ADGRL2: variants seen among roughly 807,000 people sequenced by gnomAD.
ADGRL2 encodes the protein adhesion G protein-coupled receptor L2.
In ADGRL2, 44 loss-of-function variants were observed where a neutral mutation model predicts 157.4. The observed-to-expected ratio is 0.28, with a 90% CI of 0.22 to 0.36. The LOEUF is 0.36. Ranked by LOEUF, ADGRL2 falls within the 10% of genes least tolerant of loss-of-function variation. The pLI is 1.00. For missense variants in ADGRL2, 1,510 were observed against 1,768.9 expected, an observed-to-expected ratio of 0.85 and a Z score of 2.63; for synonymous variants, 585 against 624.7, an observed-to-expected ratio of 0.94 and a Z score of 0.95.
At chr1:81,625,056 C>A (rs1428683334) in intron 3 of ADGRL2, among the ~76,000 whole-genome samples, 1 of 152,122 alleles carries the variant, frequency 6.6e-6, no homozygotes, top group Non-Finnish European at 1.5e-5. Flanking sequence ...CTATAATATA[C>A]AATTAATCCC....
chr1:81,364,739 G>A (rs1288547665), intron 1 of ADGRL2, among the ~76,000 whole-genome samples: 13 of 149,896 alleles, frequency 8.7e-5, no homozygotes, highest in South Asian at 4.2e-4. Flanking sequence ...TTGCTCTGTC[G>A]CCCAGGCTGG....
chr1:81,599,458 A>T (rs929190189), intron 3 of ADGRL2, among the ~76,000 whole-genome samples: 26 of 152,128 alleles, frequency 1.7e-4, no homozygotes, highest in African/African-American at 6.3e-4. Flanking sequence ...AGTGAGTGCC[A>T]CCTTTACCCC....
chr1:81,842,564 G>A (rs1201419520), intron 2 of ADGRL2, among the ~76,000 whole-genome samples: 1 of 151,526 alleles, frequency 6.6e-6, no homozygotes, highest in African/African-American at 2.4e-5. Flanking sequence ...CACCATATTG[G>A]CCAGGCTGGT....
chr1:81,608,657 A>C (rs17106815), intron 3 of ADGRL2, among the ~76,000 whole-genome samples: 3,878 of 152,142 alleles, frequency 0.025, 155 homozygotes, highest in African/African-American at 0.089. Context: ...TCTTCATAGC[A>C]TCTCTCAGGG....
chr1:81,901,319 A>G (rs1033844997), intron 2 of ADGRL2, among the ~76,000 whole-genome samples: 10 of 143,600 alleles, frequency 7.0e-5, no homozygotes, highest in Admixed American at 5.4e-4. Context: ...GTAGTCAGAG[A>G]AAAAAAAACT....
chr1:81,549,666 C>A (rs574022122), intron 2 of ADGRL2, among the ~76,000 whole-genome samples: 1 of 152,228 alleles, frequency 6.6e-6, no homozygotes, highest in East Asian at 1.9e-4. Flanking sequence ...TAGGAGAGAG[C>A]TAAGGGAGAA....
Position 81,583,762 on chromosome 1 carries a change from C to T in ADGRL2, c.-143+2782C>T, listed in dbSNP as rs142143684. On this transcript the variant is annotated intron_variant, in intron 3 of 24. Coordinates refer to the ADGRL2 transcript ENST00000370721. ...ATTAAAGGAACTAGAAAGCTTATAACTCTTACCCTATTGTAAAGTAAGAAT... is the reference window on the plus strand; with the variant it reads ...ATTAAAGGAACTAGAAAGCTTATAATTCTTACCCTATTGTAAAGTAAGAAT... Among the ~76,000 whole-genome samples, 680 of 152,250 alleles carry T rather than the reference C, an allele frequency of 4.5e-3. 7 individuals carry two copies. The highest frequency in any genetic ancestry group is 0.015 in the African/African-American group (630 of 41,564).
intron 1 of ADGRL2, among the ~76,000 whole-genome samples, chr1:81,343,505 C>T (rs1332684489): frequency 2.6e-5 from 4 of 152,154 alleles, no homozygotes; most frequent in Non-Finnish European, 4.4e-5. Flanking sequence ...TTCCTTGTGT[C>T]TGAGCTTAGG....
intron 3 of ADGRL2, among the ~76,000 whole-genome samples, chr1:81,908,292 C>G (rs929363924): frequency 3.3e-5 from 5 of 152,194 alleles, no homozygotes; most frequent in African/African-American, 1.2e-4. Context: ...TTTCACTGCC[C>G]TAAAAATCCT....
At chr1:81,484,485 G>A (rs1032157541) in intron 2 of ADGRL2, among the ~76,000 whole-genome samples, 2 of 152,144 alleles carry the variant, frequency 1.3e-5, no homozygotes, top group Non-Finnish European at 2.9e-5. Context: ...CAAGGATTTC[G>A]TACTGTGTAA....
At chr1:81,703,335 T>C (rs2083633331) in intron 1 of ADGRL2, among the ~76,000 whole-genome samples, 2 of 152,080 alleles carry the variant, frequency 1.3e-5, no homozygotes, top group African/African-American at 2.4e-5. Flanking sequence ...GCAGGGGCAA[T>C]TGGAGTTGTT....
chr1:81,614,692 A>C (rs961126411), intron 3 of ADGRL2, among the ~76,000 whole-genome samples: 3 of 152,166 alleles, frequency 2.0e-5, no homozygotes, highest in African/African-American at 7.2e-5. Flanking sequence ...ATGTCTAACA[A>C]AAAGGAAGAG....
At chr1:81,779,599 TC>T (rs2086732826) in intron 2 of ADGRL2, among the ~76,000 whole-genome samples, 1 of 152,184 alleles carries the variant, frequency 6.6e-6, no homozygotes, top group Non-Finnish European at 1.5e-5. Flanking sequence ...TGATTATGTT[TC>T]CCCTTTTACT....
At chr1:81,564,034 G>A (rs371256593) in intron 2 of ADGRL2, among the ~76,000 whole-genome samples, 2 of 152,154 alleles carry the variant, frequency 1.3e-5, no homozygotes, top group East Asian at 3.9e-4. Context: ...TATCTTAGAG[G>A]TAGTAAATGG....
chr1:81,469,211 T>C (rs1473268449), intron 2 of ADGRL2, among the ~76,000 whole-genome samples: 1 of 152,222 alleles, frequency 6.6e-6, no homozygotes, highest in Non-Finnish European at 1.5e-5. Context: ...GGTTTTGATA[T>C]CCAGCAAAAT....
intron 1 of ADGRL2, among the ~76,000 whole-genome samples, chr1:81,401,648 G>A (rs897215555): frequency 2.6e-5 from 4 of 152,178 alleles, no homozygotes; most frequent in Admixed American, 2.6e-4. Flanking sequence ...TCCTCATTTG[G>A]CATGTTTATG....
chr1:81,810,477 T>C (rs1004883619), intron 1 of ADGRL2, among the ~76,000 whole-genome samples: 14 of 151,912 alleles, frequency 9.2e-5, no homozygotes, highest in Non-Finnish European at 1.9e-4. Flanking sequence ...TAGTGTTTGC[T>C]ACTGTGGTTA....
chr1:81,756,583 T>C (rs752186157), intron 1 of ADGRL2, among the ~76,000 whole-genome samples: 5 of 152,146 alleles, frequency 3.3e-5, no homozygotes, highest in African/African-American at 1.2e-4. Flanking sequence ...AACTACTTAA[T>C]GGAAAAATAC....
rs573351321 is a variant in ADGRL2, at chr1:81,629,739, GTGTT to G, written c.-143+48763_-143+48766del. Among the ~76,000 whole-genome samples the G allele has an allele frequency of 3.6e-4, 54 of 151,664 alleles. 2 individuals carry two copies. In the East Asian group the frequency reaches 0.011, roughly 30 times the overall value. ...TACATATGTATGTGCATGCATGTAT[GTGTT>G]TGTGTGTGTATATATATGTATATAT... On this transcript the variant is annotated intron_variant, in intron 3 of 24. Transcript: ENST00000370721.
Sources: gnomAD v4.1 joint callset for allele counts (sites outside exome capture counted in the v4.1 genomes callset) on GRCh38, gnomAD v4.1.1 for gene constraint, MANE v1.5 for transcripts, NCBI Gene and HGNC (gene_info 2026-07-23, HGNC 2026-07-21) for gene names.